Variants in MACROH2A2 observed in about 807,000 individuals in gnomAD.
MACROH2A2 encodes core histone macro-H2A.2.
A neutral mutation model predicts 37.6 loss-of-function variants in MACROH2A2; 6 were observed. The ratio of observed to expected loss-of-function variants is 0.16; its 90% CI spans 0.09 to 0.32. MACROH2A2 has a LOEUF of 0.32. Among genes scored for constraint, MACROH2A2 ranks in the 10% least tolerant of loss-of-function variants. The pLI is 1.00. For synonymous variants in MACROH2A2, 192 were observed against 202.7 expected, an observed-to-expected ratio of 0.95 and a Z score of 0.45; for missense variants, 290 against 485.9, an observed-to-expected ratio of 0.60 and a Z score of 3.79.
At chr10:70,099,563 A>C (rs2072294860) in intron 6 of MACROH2A2, 1 of 152,246 alleles carries the variant, frequency 6.6e-6, no homozygotes, top group Non-Finnish European at 1.5e-5. Context: ...GCACACCGAC[A>C]GGGTTCCTGT....
intron 2 of MACROH2A2, among the ~76,000 whole-genome samples, chr10:70,086,958 A>G (rs2072215643): frequency 6.6e-6 from 1 of 152,198 alleles, no homozygotes; most frequent in Non-Finnish European, 1.5e-5. Context: ...TGGGAAGCTG[A>G]GGTAGGAGGA....
chr10:70,111,926 TA>T lies in MACROH2A2; in HGVS notation c.*250del, dbSNP rs956376815. 8.8e-6 allele frequency: 3 copies of T among 339,838 alleles called. No homozygotes were observed. The highest frequency in any genetic ancestry group is 1.6e-5 in the Non-Finnish European group (3 of 189,246). 21.1% of individuals were successfully genotyped at this position (339,838 alleles called of 1,614,324 possible). A position where few individuals can be genotyped will look rare whatever the true frequency, so the allele number is the denominator to read the frequency against. ...TCCTCCTGTTGTTTTAGAACTTTTT[TA>T]AAAAAACAGACCTCGTTTTAGATTT... On this transcript the variant is annotated 3_prime_UTR_variant, in exon 9 of 9. Coordinates refer to ENST00000373255, the MANE Select transcript of MACROH2A2 (RefSeq NM_018649.3).
intron 1 of MACROH2A2, among the ~76,000 whole-genome samples, chr10:70,070,352 A>C (rs537091955): frequency 6.6e-6 from 1 of 152,288 alleles, no homozygotes; most frequent in East Asian, 1.9e-4. Flanking sequence ...CAGAGGGAAA[A>C]ACTTATTATA....
intron 1 of MACROH2A2, among the ~76,000 whole-genome samples, chr10:70,069,088 T>A (rs906867847): frequency 6.6e-6 from 1 of 152,248 alleles, no homozygotes; most frequent in Non-Finnish European, 1.5e-5. Flanking sequence ...TTGAATAGTC[T>A]GGTGTGAGTT....
At chr10:70,079,551 T>TCGCGCGCGCGCG (rs778240404) in intron 2 of MACROH2A2, among the ~76,000 whole-genome samples, 1 of 114,098 alleles carries the variant, frequency 8.8e-6, no homozygotes, top group African/African-American at 3.3e-5. Flanking sequence ...CGTTGAGGGT[T>TCGCGCGCGCGCG]CGCGCGCGCG....
At chr10:70,068,389 T>C (rs2072090841) in intron 1 of MACROH2A2, among the ~76,000 whole-genome samples, 1 of 152,234 alleles carries the variant, frequency 6.6e-6, no homozygotes, top group African/African-American at 2.4e-5. Flanking sequence ...TAAGTATTCA[T>C]GTTCTAACAT....
chr10:70,102,210 G>C (rs1042737055), intron 7 of MACROH2A2, among the ~76,000 whole-genome samples: 1 of 152,222 alleles, frequency 6.6e-6, no homozygotes, highest in African/African-American at 2.4e-5. Context: ...GACCCCTTGG[G>C]GGTGGGACAC....
intron 2 of MACROH2A2, among the ~76,000 whole-genome samples, chr10:70,079,360 G>T (rs756388156): frequency 1.7e-4 from 26 of 151,968 alleles, no homozygotes; most frequent in Non-Finnish European, 3.4e-4. Context: ...TTCAGACTGG[G>T]GGGGCGGGTG....
intron 4 of MACROH2A2, among the ~76,000 whole-genome samples, chr10:70,092,762 C>T (rs2072253063): frequency 1.3e-5 from 2 of 152,106 alleles, no homozygotes; most frequent in Non-Finnish European, 2.9e-5. Flanking sequence ...CTGAAGTGAG[C>T]GATGATAGCC....
intron 2 of MACROH2A2, among the ~76,000 whole-genome samples, chr10:70,079,559 GCGCGCGCACACACACA>G (rs1225517169): frequency 6.8e-5 from 7 of 102,488 alleles, no homozygotes; most frequent in African/African-American, 2.9e-4. Flanking sequence ...GTTCGCGCGC[GCGCGCGCACACACACA>G]CACACACACA....
chr10:70,059,396 AG>A (rs2072037975), intron 1 of MACROH2A2, among the ~76,000 whole-genome samples: 1 of 150,036 alleles, frequency 6.7e-6, no homozygotes, highest in African/African-American at 2.5e-5. Flanking sequence ...TTTTTGAGAC[AG>A]AGTCTCACTC....
In MACROH2A2 at chr10:70,091,810, C is replaced by G. The variant is rs764679766; in HGVS notation, c.333C>G (p.Pro111=). The change falls in exon 4 of 9, where the codon CCC becomes CCG. Residue 111 remains proline (P), a synonymous_variant. Transcript: ENST00000373255. ...ASGGVLPRIH[P]ELLAKKRGTK... ...GAGGCGTCCTGCCCAGAATTCACCC[C>G]GAACTGCTGGCCAAAAAGCGAGGGA... The G allele has an allele frequency of 1.2e-6, 2 of 1,614,062 alleles. No homozygotes were observed. The highest frequency in any genetic ancestry group is 1.7e-6 in the Non-Finnish European group (2 of 1,179,970).
At position 70,107,484 on chromosome 10, in the gene MACROH2A2, C is replaced by T. The variant is rs556374048; in HGVS notation, c.779-1549C>T. 1.3e-3 allele frequency among the ~76,000 whole-genome samples: 194 copies of T among 152,252 alleles called. 1 individual carries two copies. Among genetic ancestry groups the T allele is most frequent in the Non-Finnish European group, 1.0e-3 (71 of 68,012 alleles). ...TTCCTGGAGGGGCACAGGGCGCAGA[C>T]GGGCAGCGTGGGGGCAAGCATGGCT... On this transcript the variant is annotated intron_variant, in intron 7 of 8. Coordinates refer to ENST00000373255, the MANE Select transcript of MACROH2A2 (RefSeq NM_018649.3). The surrounding 1 kb of genome is among the most constrained non-coding windows in gnomAD (Gnocchi z 4.4).
intron 2 of MACROH2A2, among the ~76,000 whole-genome samples, chr10:70,079,066 G>A (rs1037656196): frequency 1.3e-5 from 2 of 152,132 alleles, no homozygotes; most frequent in African/African-American, 4.8e-5. Context: ...TAGTGAGGAG[G>A]ACAAGAAGGA....
chr10:70,088,657 C>CA (rs1227546549), intron 2 of MACROH2A2, among the ~76,000 whole-genome samples: 1 of 152,352 alleles, frequency 6.6e-6, no homozygotes, highest in East Asian at 1.9e-4. Context: ...GGAAGACCCC[C>CA]AGGCTCTATG....
intron 6 of MACROH2A2, 53 bp from the exon 7 acceptor site, chr10:70,100,155 G>A (rs1392185629): frequency 3.3e-6 from 3 of 919,024 alleles, no homozygotes; most frequent in African/African-American, 3.3e-5. Flanking sequence ...GTCAAACAGT[G>A]TAATTAGATT....
intron 1 of MACROH2A2, among the ~76,000 whole-genome samples, chr10:70,068,984 TG>T (rs1397004593): frequency 6.6e-6 from 1 of 152,230 alleles, no homozygotes. Context: ...GAATCTATGA[TG>T]GTATCGATTG....
chr10:70,063,181 A>G (rs2072059716), intron 1 of MACROH2A2, among the ~76,000 whole-genome samples: 1 of 152,204 alleles, frequency 6.6e-6, no homozygotes, highest in Non-Finnish European at 1.5e-5. Flanking sequence ...TGATAAAGAA[A>G]TTATTTGAAT....
In MACROH2A2 at chr10:70,093,830, T is replaced by C; in HGVS notation, c.573T>C (p.Leu191=). Residue 191 remains leucine (L), a synonymous_variant, in exon 5 of 9, where the codon CTT becomes CTC. Coordinates refer to ENST00000373255, the MANE Select transcript of MACROH2A2 (RefSeq NM_018649.3). ...DGFTILSSKS[L]VLGQKLSLTQ... Reference sequence around the variant, plus strand: ...TCACCATTCTGTCTTCTAAGAGCCTTGTTCTGGGACAGAAGGTAACAAAGA... The same window carrying C: ...TCACCATTCTGTCTTCTAAGAGCCTCGTTCTGGGACAGAAGGTAACAAAGA... 6.3e-7 allele frequency: 1 copy of C among 1,588,814 alleles called. No homozygotes were observed. The highest frequency in any genetic ancestry group is 1.7e-5 in the Admixed American group (1 of 59,980).
Sources: gnomAD v4.1 joint callset for allele counts (sites outside exome capture counted in the v4.1 genomes callset) on GRCh38, gnomAD v4.1.1 for gene constraint, Gnocchi (gnomAD v3.1) non-coding constraint, MANE v1.5 for transcripts, NCBI Gene and HGNC (gene_info 2026-07-23, HGNC 2026-07-21) for gene names.